EPB41L4A: variants seen among roughly 807,000 people sequenced by gnomAD.
EPB41L4A encodes the protein erythrocyte membrane protein band 4.1 like 4A.
A neutral mutation model predicts 108.6 loss-of-function variants in EPB41L4A; 100 were observed. That is an observed-to-expected ratio of 0.92 (90% CI 0.78 to 1.09). The LOEUF (loss-of-function observed/expected upper bound fraction) is 1.09. EPB41L4A is among the 50% of genes least tolerant of loss of function. EPB41L4A has a pLI of 0.00. For missense variants in EPB41L4A, 1,030 were observed against 842.7 expected, an observed-to-expected ratio of 1.22 and a Z score of -2.75; for synonymous variants, 319 against 289.0, an observed-to-expected ratio of 1.10 and a Z score of -1.05.
chr5:112,148,065 A>ACAAAAACAAATTG (rs1554068273), intron 12 of EPB41L4A, among the ~76,000 whole-genome samples: 8 of 146,040 alleles, frequency 5.5e-5, no homozygotes, highest in African/African-American at 1.6e-4. Flanking sequence ...CGCAAACACC[A>ACAAAAACAAATTG]GAAAATTGGG....
rs551088412 is a variant in EPB41L4A at position 112,296,775 on chromosome 5, C to T, written c.204+10611G>A. ...CACCCCCTTCCTACCCCTTCCCTCC[C>T]GAGTCTCCAAAGTCCATTGTATCAT... On this transcript the variant is annotated intron_variant, in intron 2 of 22. Transcript: ENST00000261486. Among the ~76,000 whole-genome samples the T allele has an allele frequency of 4.0e-4, 61 of 152,100 alleles. 1 individual carries two copies. The highest frequency in any genetic ancestry group is 1.3e-3 in the African/African-American group (56 of 41,492).
intron 1 of EPB41L4A, among the ~76,000 whole-genome samples, chr5:112,331,769 C>A (rs1756585996): frequency 6.6e-6 from 1 of 152,218 alleles, no homozygotes; most frequent in Non-Finnish European, 1.5e-5. Flanking sequence ...AAGCAAGTGG[C>A]CACCAGTCCC....
intron 1 of EPB41L4A, among the ~76,000 whole-genome samples, chr5:112,394,457 G>A (rs1219129094): frequency 6.6e-6 from 1 of 152,118 alleles, no homozygotes; most frequent in East Asian, 1.9e-4. Context: ...CAAACAAACA[G>A]AGAGCCAAAT....
At chr5:112,413,074 A>G (rs963028304) in intron 1 of EPB41L4A, among the ~76,000 whole-genome samples, 1 of 152,232 alleles carries the variant, frequency 6.6e-6, no homozygotes, top group Non-Finnish European at 1.5e-5. Context: ...TCTCAGTTTC[A>G]AGAATGGGAG....
intron 18 of EPB41L4A, among the ~76,000 whole-genome samples, chr5:112,178,187 C>T (rs563729570): frequency 9.2e-5 from 14 of 152,156 alleles, no homozygotes; most frequent in South Asian, 8.3e-4. Context: ...AGAATTTATG[C>T]GTGTGCATGT....
At chr5:112,333,413 T>C (rs1756704225) in intron 1 of EPB41L4A, among the ~76,000 whole-genome samples, 1 of 152,120 alleles carries the variant, frequency 6.6e-6, no homozygotes, top group Admixed American at 6.5e-5. Flanking sequence ...CTGCAGCCAG[T>C]CTCCGATGGA....
intron 2 of EPB41L4A, among the ~76,000 whole-genome samples, chr5:112,285,575 A>G (rs1251843063): frequency 6.6e-6 from 1 of 152,178 alleles, no homozygotes; most frequent in Non-Finnish European, 1.5e-5. Flanking sequence ...GCTATCTTGC[A>G]GTGGCGACAA....
At chr5:112,253,703 T>C (rs916309102) in intron 9 of EPB41L4A, among the ~76,000 whole-genome samples, 1 of 152,166 alleles carries the variant, frequency 6.6e-6, no homozygotes, top group African/African-American at 2.4e-5. Flanking sequence ...GGCCTGTGTG[T>C]GTATGGAGAG....
At chr5:112,148,836 G>C (rs79952630) in intron 12 of EPB41L4A, among the ~76,000 whole-genome samples, 1 of 152,052 alleles carries the variant, frequency 6.6e-6, no homozygotes, top group Non-Finnish European at 1.5e-5. Flanking sequence ...ATGTGTGTTG[G>C]ATAAGTCCTC....
Position 112,162,856 on chromosome 5 carries a change from A to G in EPB41L4A, c.*2134T>C, listed in dbSNP as rs11558487. 7,049 of 152,304 alleles carry G rather than the reference A, an allele frequency of 0.046. 194 individuals are homozygous for G. Among genetic ancestry groups the G allele is most frequent in the Middle Eastern group, 0.071 (21 of 294 alleles). 9.4% of individuals were successfully genotyped at this position (152,304 alleles called of 1,614,324 possible). A position where few individuals can be genotyped will look rare whatever the true frequency, so the allele number is the denominator to read the frequency against. On this transcript the variant is annotated 3_prime_UTR_variant, in exon 23 of 23. Coordinates refer to ENST00000261486, the MANE Select transcript of EPB41L4A (RefSeq NM_022140.5). Reference sequence around the variant, plus strand: ...CACAAGGCAAAACTGGGGGAATGACATATACAGAGGCTTGGGCTAGAAAAA... The same window carrying G: ...CACAAGGCAAAACTGGGGGAATGACGTATACAGAGGCTTGGGCTAGAAAAA...
downstream of EPB41L4A, chr5:112,161,700 C>T (rs1287894548): frequency 2.0e-6 from 1 of 489,124 alleles, no homozygotes; most frequent in Non-Finnish European, 4.1e-6. Flanking sequence ...AATTTTTGTT[C>T]AGGTGGAAGA....
chr5:112,318,653 C>T (rs932889362), intron 1 of EPB41L4A, among the ~76,000 whole-genome samples: 1 of 152,276 alleles, frequency 6.6e-6, no homozygotes, highest in African/African-American at 2.4e-5. Context: ...TCCTGACCAA[C>T]AAGTCATAAG....
At chr5:112,313,400 G>C (rs181877808) in intron 1 of EPB41L4A, among the ~76,000 whole-genome samples, 6 of 152,212 alleles carry the variant, frequency 3.9e-5, no homozygotes, top group African/African-American at 1.2e-4. Context: ...GACCATCCTG[G>C]CTAACACGGT....
chr5:112,171,438 T>C (rs1360458502), intron 18 of EPB41L4A, among the ~76,000 whole-genome samples: 1 of 152,250 alleles, frequency 6.6e-6, no homozygotes, highest in Non-Finnish European at 1.5e-5. Flanking sequence ...ACTGGTGGGA[T>C]GGCCCTGATG....
At chr5:112,155,318 A>T (rs186384846) in intron 12 of EPB41L4A, among the ~76,000 whole-genome samples, 1 of 152,162 alleles carries the variant, frequency 6.6e-6, no homozygotes, top group African/African-American at 2.4e-5. Context: ...TTTACATAGA[A>T]AAAAATTATA....
chr5:112,354,972 A>G (rs1748109700), intron 1 of EPB41L4A, among the ~76,000 whole-genome samples: 1 of 152,160 alleles, frequency 6.6e-6, no homozygotes, highest in Non-Finnish European at 1.5e-5. Flanking sequence ...TTTTTTTTAA[A>G]GTTGCCAAAA....
chr5:112,259,868 C>T, intron 8 of EPB41L4A, 23 bp downstream of exon 8: 1 of 1,588,532 alleles, frequency 6.3e-7, no homozygotes, highest in Non-Finnish European at 8.6e-7. Context: ...AGAATGCCAA[C>T]TCTGTTCTCA....
chr5:112,416,794 T>C (rs1008490542), intron 1 of EPB41L4A, among the ~76,000 whole-genome samples: 6 of 152,220 alleles, frequency 3.9e-5, no homozygotes, highest in African/African-American at 1.4e-4. Flanking sequence ...GTACAGAACA[T>C]AAACATGTTC....
intron 1 of EPB41L4A, among the ~76,000 whole-genome samples, chr5:112,412,212 C>T (rs1380212774): frequency 6.6e-6 from 1 of 152,194 alleles, no homozygotes; most frequent in Non-Finnish European, 1.5e-5. Context: ...CTGCCTGTCC[C>T]CATCTCTCTT....
Sources: gnomAD v4.1 joint callset for allele counts (sites outside exome capture counted in the v4.1 genomes callset) on GRCh38, gnomAD v4.1.1 for gene constraint, MANE v1.5 for transcripts, NCBI Gene and HGNC (gene_info 2026-07-23, HGNC 2026-07-21) for gene names.